PKIG: variants seen among roughly 807,000 people sequenced by gnomAD.
PKIG encodes the protein protein kinase (cAMP-dependent, catalytic) inhibitor gamma.
In PKIG, 1 loss-of-function variant was observed where a neutral mutation model predicts 6.8. That is an observed-to-expected ratio of 0.15 (90% CI 0.05 to 0.69). The LOEUF (loss-of-function observed/expected upper bound fraction) is 0.69, where lower values mean the gene tolerates loss of function less well. Among genes scored for constraint, PKIG ranks in the 30% least tolerant of loss-of-function variants. The pLI, the probability that PKIG is intolerant of heterozygous loss-of-function variation, is 0.82. For synonymous variants in PKIG, 39 were observed against 43.0 expected, an observed-to-expected ratio of 0.91 and a Z score of 0.36; for missense variants, 77 against 104.0, an observed-to-expected ratio of 0.74 and a Z score of 1.13.
chr20:44,597,239 T>G (rs2065082811), intron 2 of PKIG, among the ~76,000 whole-genome samples: 1 of 112,748 alleles, frequency 8.9e-6, no homozygotes, highest in Non-Finnish European at 1.8e-5. Context: ...ATTATTAGAA[T>G]AATAATAATC....
chr20:44,579,433 A>T (rs542276709), upstream of PKIG, among the ~76,000 whole-genome samples: 2 of 152,256 alleles, frequency 1.3e-5, no homozygotes, highest in Admixed American at 1.3e-4. Context: ...TTGTGGATTC[A>T]GGACTGGCAC....
At chr20:44,538,114 G>A (rs977915135) in intron 1 of PKIG, among the ~76,000 whole-genome samples, 1 of 152,112 alleles carries the variant, frequency 6.6e-6, no homozygotes, top group African/African-American at 2.4e-5. Context: ...AATTTGGAGG[G>A]TCCAGATGGA....
chr20:44,574,337 C>T (rs1224405168), intron 1 of PKIG, among the ~76,000 whole-genome samples: 2 of 151,066 alleles, frequency 1.3e-5, no homozygotes, highest in African/African-American at 2.5e-5. Flanking sequence ...ATATGCTTAT[C>T]GAGATATGGT....
rs763531510 is a variant in PKIG at position 44,618,353 on chromosome 20, A to G, written c.220A>G (p.Thr74Ala). The G allele has an allele frequency of 4.3e-6, 7 of 1,610,664 alleles. No homozygotes were observed. The highest frequency in any genetic ancestry group is 5.9e-6 in the Non-Finnish European group (7 of 1,176,966). The change falls in exon 4 of 4, where the codon ACC becomes GCC. Residue 74 changes from threonine (T) to alanine (A), a missense_variant. Transcript: ENST00000372886. ...GNQPQSSDGT[T>A]SS ...CCAGCCCCAGAGCAGCGATGGGACC[A>G]CCTCGTCTTGAATCTGACCTTGTCC...
intron 1 of PKIG, among the ~76,000 whole-genome samples, chr20:44,562,163 G>A (rs1353840484): frequency 1.3e-5 from 2 of 151,520 alleles, no homozygotes; most frequent in African/African-American, 4.9e-5. Context: ...AATGAAAAGA[G>A]TAGAAGTTAT....
intron 1 of PKIG, among the ~76,000 whole-genome samples, chr20:44,575,270 G>A (rs1170423214): frequency 6.6e-6 from 1 of 152,172 alleles, no homozygotes; most frequent in Admixed American, 6.5e-5. Context: ...CCACGCTGGA[G>A]TGCAATGGCA....
chr20:44,566,533 C>T (rs1260684505), intron 1 of PKIG, among the ~76,000 whole-genome samples: 2 of 151,972 alleles, frequency 1.3e-5, no homozygotes, highest in Non-Finnish European at 2.9e-5. Context: ...TATTCTATAC[C>T]GTTTCATGTT....
At chr20:44,558,296 T>C (rs1163744545) in intron 1 of PKIG, among the ~76,000 whole-genome samples, 1 of 152,230 alleles carries the variant, frequency 6.6e-6, no homozygotes, top group African/African-American at 2.4e-5. Flanking sequence ...TTAACCCTTA[T>C]AATAATCCTA....
chr20:44,566,458 A>G (rs868650588), intron 1 of PKIG, among the ~76,000 whole-genome samples: 3 of 152,280 alleles, frequency 2.0e-5, no homozygotes, highest in Non-Finnish European at 4.4e-5. Flanking sequence ...TGCACAATTT[A>G]TATTATGACT....
chr20:44,568,347 T>A (rs971343416), intron 1 of PKIG, among the ~76,000 whole-genome samples: 16 of 152,222 alleles, frequency 1.1e-4, no homozygotes, highest in African/African-American at 3.6e-4. Context: ...AAAATAAAAA[T>A]TACCCACAGT....
intron 1 of PKIG, among the ~76,000 whole-genome samples, chr20:44,562,601 CAA>C (rs1191493549): frequency 6.2e-4 from 36 of 57,876 alleles, no homozygotes; most frequent in Middle Eastern, 0.016. Flanking sequence ...GACCCTGTCT[CAA>C]AAAAAAAAAA....
At chr20:44,542,073 C>T (rs762201756) in intron 1 of PKIG, among the ~76,000 whole-genome samples, 6 of 152,064 alleles carry the variant, frequency 3.9e-5, no homozygotes, top group Non-Finnish European at 8.8e-5. Context: ...ATGATATTTC[C>T]GGGGAGGCTA....
chr20:44,537,003 C>T (rs567684646), intron 1 of PKIG, among the ~76,000 whole-genome samples: 1 of 152,308 alleles, frequency 6.6e-6, no homozygotes, highest in South Asian at 2.1e-4. Flanking sequence ...CATCTCAGTT[C>T]ACTGCAGCCT....
intron 1 of PKIG, among the ~76,000 whole-genome samples, chr20:44,572,737 C>G (rs2064864505): frequency 6.6e-6 from 1 of 152,076 alleles, no homozygotes; most frequent in Admixed American, 6.6e-5. Flanking sequence ...TGTTCAGATG[C>G]CAGCACAGAC....
chr20:44,583,462 C>A (rs1299785142), intron 1 of PKIG, among the ~76,000 whole-genome samples: 4 of 151,710 alleles, frequency 2.6e-5, no homozygotes, highest in Non-Finnish European at 5.9e-5. Context: ...AAGAGGGGGC[C>A]CTTGCTGTAC....
At position 44,614,298 on chromosome 20, in the gene PKIG, T is replaced by G. The variant is rs1256986072; in HGVS notation, c.-23-236T>G. The G allele has an allele frequency of 2.4e-6, 1 of 418,382 alleles. No homozygotes were observed. The highest frequency in any genetic ancestry group is 2.0e-5 in the African/African-American group (1 of 49,636). 25.9% of individuals were successfully genotyped at this position (418,382 alleles called of 1,614,324 possible). A position where few individuals can be genotyped will look rare whatever the true frequency, so the allele number is the denominator to read the frequency against. ...TGTGTGTACATGTTTGTCAATAATT[T>G]TATTTAAAGAAAAGTCTGAGCCCAT... On this transcript the variant is annotated intron_variant, in intron 2 of 3. Coordinates refer to ENST00000372886, the MANE Select transcript of PKIG (RefSeq NM_001281445.2). The surrounding 1 kb of genome is among the most constrained non-coding windows in gnomAD (Gnocchi z 4.6).
At chr20:44,595,085 T>G (rs1236923989) in intron 2 of PKIG, among the ~76,000 whole-genome samples, 1 of 152,216 alleles carries the variant, frequency 6.6e-6, no homozygotes, top group Non-Finnish European at 1.5e-5. Flanking sequence ...CTGTTCCAGC[T>G]GTGCTGGGAG....
intron 1 of PKIG, among the ~76,000 whole-genome samples, chr20:44,554,988 A>G (rs984334205): frequency 3.3e-5 from 5 of 152,100 alleles, no homozygotes; most frequent in Admixed American, 3.3e-4. Flanking sequence ...TTTGGGTTTT[A>G]CAGATTTGTT....
chr20:44,603,021 C>G (rs2065135241), intron 2 of PKIG, among the ~76,000 whole-genome samples: 1 of 152,150 alleles, frequency 6.6e-6, no homozygotes, highest in African/African-American at 2.4e-5. Flanking sequence ...GCTCTTCTTT[C>G]CCTGTAATCT....
Sources: allele counts gnomAD v4.1 joint callset (sites outside exome capture counted in the v4.1 genomes callset), GRCh38; gene constraint gnomAD v4.1.1; non-coding constraint Gnocchi (gnomAD v3.1); transcripts MANE v1.5; gene names NCBI Gene and HGNC (gene_info 2026-07-23, HGNC 2026-07-21).